CSTF3: variants seen among roughly 807,000 people sequenced by gnomAD.
CSTF3 encodes cleavage stimulation factor subunit 3.
CSTF3 carries 29 observed loss-of-function variants against 105.8 expected under a neutral mutation model. The observed-to-expected ratio is 0.27, with a 90% CI of 0.20 to 0.37. CSTF3 has a LOEUF of 0.37. Among genes scored for constraint, CSTF3 ranks in the 10% least tolerant of loss-of-function variants. The probability of loss-of-function intolerance (pLI) is 1.00; values close to 1 mark genes in which losing one functional copy is unlikely to be tolerated. For synonymous variants in CSTF3, 252 were observed against 281.9 expected (o/e 0.89, Z 1.06); for missense variants, 357 against 879.3 (o/e 0.41, Z 7.51).
chr11:33,099,300 CATACAT>C lies in CSTF3; in HGVS notation c.937-156_937-151del. On this transcript the variant is annotated intron_variant, in intron 11 of 20. Coordinates refer to ENST00000323959, the MANE Select transcript of CSTF3 (RefSeq NM_001326.3). The surrounding 1 kb of genome is among the most constrained non-coding windows in gnomAD (Gnocchi z 4.1). ...ACATATATATGTATCCACACACACACATACATAAACACATATGCATTTCTGGATTCT... is the reference window on the plus strand; with the variant it reads ...ACATATATATGTATCCACACACACACAAACACATATGCATTTCTGGATTCT... 1 of 999,526 alleles carries C rather than the reference CATACAT, an allele frequency of 1.0e-6. No individual in the cohort carries two copies. The highest frequency in any genetic ancestry group is 3.3e-5 in the Admixed American group (1 of 30,520). 61.9% of individuals were successfully genotyped at this position (999,526 alleles called of 1,614,324 possible). A position where few individuals can be genotyped will look rare whatever the true frequency, so the allele number is the denominator to read the frequency against.
chr11:33,152,924 C>T (rs1467325220), intron 1 of CSTF3, among the ~76,000 whole-genome samples: 2 of 151,664 alleles, frequency 1.3e-5, no homozygotes, highest in African/African-American at 4.8e-5. Flanking sequence ...CACCACTGCA[C>T]TCCAGCCTGA....
intron 14 of CSTF3, 84 bp from the exon 15 acceptor site, chr11:33,096,492 T>C (rs1855224421): frequency 2.5e-6 from 2 of 794,440 alleles, no homozygotes; most frequent in Non-Finnish European, 4.1e-6. Context: ...TATACCTACA[T>C]ATGACAAAAT....
At chr11:33,104,960 G>T (rs1855313448) in intron 8 of CSTF3, among the ~76,000 whole-genome samples, 3 of 152,084 alleles carry the variant, frequency 2.0e-5, no homozygotes, top group Admixed American at 2.0e-4. Flanking sequence ...TCTTGCCCAG[G>T]CTGGTCTCAA....
chr11:33,148,956 A>G lies in CSTF3; in HGVS notation c.28-6970T>C, dbSNP rs1451468255. 4.7e-5 allele frequency among the ~76,000 whole-genome samples: 7 copies of G among 150,046 alleles called. No homozygotes were observed. The South Asian group carries it at 1.3e-3, about 27-fold the overall frequency. ...ATCCTCCTGTCTCAGCCTCCCACGTAGCTGGGACTACAGGCGTGTACCACC... is the reference window on the plus strand; with the variant it reads ...ATCCTCCTGTCTCAGCCTCCCACGTGGCTGGGACTACAGGCGTGTACCACC... On this transcript the variant is annotated intron_variant, in intron 1 of 20. Coordinates refer to ENST00000323959, the MANE Select transcript of CSTF3 (RefSeq NM_001326.3).
intron 3 of CSTF3, among the ~76,000 whole-genome samples, chr11:33,127,690 C>T (rs573488299): frequency 7.2e-5 from 11 of 152,220 alleles, no homozygotes; most frequent in South Asian, 2.1e-4. Flanking sequence ...TGCAATGGCG[C>T]GATGTTTTTG....
intron 3 of CSTF3, among the ~76,000 whole-genome samples, chr11:33,110,175 C>G (rs1384142170): frequency 6.6e-6 from 1 of 152,146 alleles, no homozygotes; most frequent in Admixed American, 6.6e-5. Context: ...TTTTTCCTGC[C>G]TATTCACTGA....
At chr11:33,148,267 A>G (rs550822710) in intron 1 of CSTF3, among the ~76,000 whole-genome samples, 1 of 152,266 alleles carries the variant, frequency 6.6e-6, no homozygotes, top group East Asian at 1.9e-4. Context: ...CATTAGAATC[A>G]CCTAAGGGAA....
chr11:33,095,331 G>C (rs1428578236), intron 15 of CSTF3, among the ~76,000 whole-genome samples: 2 of 152,218 alleles, frequency 1.3e-5, no homozygotes, highest in Admixed American at 1.3e-4. Context: ...AAGTATCTGA[G>C]ACTACAGGCA....
chr11:33,123,431 C>T (rs760021111), intron 3 of CSTF3, among the ~76,000 whole-genome samples: 10 of 152,020 alleles, frequency 6.6e-5, no homozygotes, highest in Non-Finnish European at 2.9e-5. Flanking sequence ...ACTATGACAA[C>T]CTCTGTGGAA....
intron 3 of CSTF3, chr11:33,136,216 G>C (rs971757780): frequency 6.6e-6 from 1 of 152,236 alleles, no homozygotes; most frequent in African/African-American, 2.4e-5. Flanking sequence ...GTGGATTCTG[G>C]TATGTGGGGG....
At chr11:33,135,802 C>A (rs1855647442) in intron 3 of CSTF3, among the ~76,000 whole-genome samples, 1 of 152,040 alleles carries the variant, frequency 6.6e-6, no homozygotes, top group Admixed American at 6.6e-5. Context: ...GAATATGAAT[C>A]TTAGGACAAA....
intron 1 of CSTF3, among the ~76,000 whole-genome samples, chr11:33,151,151 A>G (rs1464714095): frequency 6.6e-6 from 1 of 152,088 alleles, no homozygotes; most frequent in East Asian, 1.9e-4. Flanking sequence ...GGATGTGCCC[A>G]TATTTAATGT....
chr11:33,150,969 C>G (rs544007536), intron 1 of CSTF3, among the ~76,000 whole-genome samples: 123 of 152,086 alleles, frequency 8.1e-4, no homozygotes, highest in Non-Finnish European at 1.6e-3. Context: ...ATTCACCCAT[C>G]TGAAGTGTAT....
chr11:33,149,654 C>A (rs757204024), intron 1 of CSTF3, among the ~76,000 whole-genome samples: 2 of 152,176 alleles, frequency 1.3e-5, no homozygotes, highest in African/African-American at 4.8e-5. Flanking sequence ...AAGGCCGAGA[C>A]GGGCAGATCA....
chr11:33,138,272 A>G (rs1466408018), intron 3 of CSTF3, among the ~76,000 whole-genome samples: 2 of 151,828 alleles, frequency 1.3e-5, no homozygotes, highest in African/African-American at 4.8e-5. Flanking sequence ...GGCCCGATTC[A>G]AAACAAATTA....
At chr11:33,117,037 G>T (rs1855437517) in intron 3 of CSTF3, among the ~76,000 whole-genome samples, 1 of 151,962 alleles carries the variant, frequency 6.6e-6, no homozygotes, top group Non-Finnish European at 1.5e-5. Context: ...TCTGATTAAA[G>T]TTAGCAGATG....
chr11:33,149,687 CA>C (rs1343602540), intron 1 of CSTF3, among the ~76,000 whole-genome samples: 1 of 152,170 alleles, frequency 6.6e-6, no homozygotes, highest in Non-Finnish European at 1.5e-5. Context: ...AGTTCAAGAC[CA>C]GTCTGGCCAA....
At chr11:33,093,122 T>C (rs1380656601) in intron 15 of CSTF3, among the ~76,000 whole-genome samples, 1 of 152,086 alleles carries the variant, frequency 6.6e-6, no homozygotes, top group Non-Finnish European at 1.5e-5. Flanking sequence ...AGCAGAGGAG[T>C]TGTTTTTTAT....
chr11:33,087,117 C>T lies in CSTF3; in HGVS notation c.1666G>A (p.Ala556Thr). The T allele has an allele frequency of 6.2e-7, 1 of 1,614,130 alleles. No individual in the cohort carries two copies. Residue 556 changes from alanine (A) to threonine (T), a missense_variant, in exon 18 of 21, where the codon GCT becomes ACT. Around this residue, in one of 4 missense-constraint regions of CSTF3, gnomAD observed 206 missense variants for 576.5 expected, o/e 0.36. Coordinates refer to ENST00000323959, the MANE Select transcript of CSTF3 (RefSeq NM_001326.3). ...GCTACAACTGGGTCCGGAATTATAG[C>T]TGCTAGCTTAGCACGGGAGACATCC... The part of the protein sequence containing the change: ...YKDVSRAKLA[A>T]IIPDPVVAPS...
Sources: gnomAD v4.1 joint callset for allele counts (sites outside exome capture counted in the v4.1 genomes callset) on GRCh38, gnomAD v4.1.1 for gene constraint, gnomAD v4.1.1 regional missense constraint, Gnocchi (gnomAD v3.1) non-coding constraint, MANE v1.5 for transcripts, NCBI Gene and HGNC (gene_info 2026-07-23, HGNC 2026-07-21) for gene names.